VWDE: variants seen among roughly 807,000 people sequenced by gnomAD.
The protein encoded by VWDE is von Willebrand factor D and EGF domain-containing protein.
Under a neutral mutation model 178.4 loss-of-function variants are expected in VWDE, and 207 were observed. The ratio of observed to expected loss-of-function variants is 1.16; its 90% CI spans 1.04 to 1.30. The LOEUF (loss-of-function observed/expected upper bound fraction) is 1.30, where lower values mean the gene tolerates loss of function less well. Among genes scored for constraint, VWDE ranks in the 50% most tolerant of loss-of-function variants. VWDE has a pLI of 0.00. For synonymous variants in VWDE, 738 were observed against 651.4 expected (o/e 1.13, Z -2.02); for missense variants, 2,287 against 1,901.3 (o/e 1.20, Z -3.77).
At chr7:12,392,685 T>A (rs539650518) in intron 2 of VWDE, among the ~76,000 whole-genome samples, 13 of 152,074 alleles carry the variant, frequency 8.5e-5, no homozygotes, top group African/African-American at 2.7e-4. Context: ...TGGAAGAAAA[T>A]GTATTTGTCA....
intron 13 of VWDE, 79 bp downstream of exon 13, chr7:12,367,278 T>C: frequency 8.4e-7 from 1 of 1,184,688 alleles, no homozygotes; most frequent in South Asian, 2.6e-5. Context: ...TGCTAATTGA[T>C]AGACCGAATT....
intron 1 of VWDE, among the ~76,000 whole-genome samples, chr7:12,396,535 G>A (rs908431308): frequency 6.6e-6 from 1 of 152,100 alleles, no homozygotes; most frequent in Non-Finnish European, 1.5e-5. Context: ...CAAATGTAAT[G>A]AGAAATAAAA....
chr7:12,336,210 C>T lies in VWDE; in HGVS notation c.4585G>A (p.Gly1529Ser), dbSNP rs781110033. The T allele has an allele frequency of 5.8e-6, 9 of 1,551,010 alleles. No individual in the cohort carries two copies. The highest frequency in any genetic ancestry group is 2.7e-5 in the African/African-American group (2 of 72,996). Reference protein sequence around the residue: ...TPICLQKCKNGGECIAPSICH... With the variant: ...TPICLQKCKNSGECIAPSICH... ...ATGCTGGGCGCAATGCATTCACCAC[C>T]GTTTTTACATTTCTGCAAGCAGATA... The change falls in exon 27 of 29, where the codon GGT becomes AGT. Residue 1529 changes from glycine (G) to serine (S), a missense_variant. Transcript: ENST00000275358.
In VWDE at chr7:12,370,486, G is replaced by A. The variant is rs963323; in HGVS notation, c.1820C>T (p.Ser607Phe). The change falls in exon 12 of 29, where the codon TCT becomes TTT. Residue 607 changes from serine (S) to phenylalanine (F), a missense_variant. Ser to Phe is a radical substitution (Grantham distance 155). Transcript: ENST00000275358. ...EWRILPGKSMSDTLPVSMTSP... is the reference protein window; with the variant it reads ...EWRILPGKSMFDTLPVSMTSP... ...TGTCATAGAAACTGGCAGTGTGTCA[G>A]ACATGCTTTTTCCTGGTAAAATCCT... 1,285,832 of 1,540,076 alleles carry A rather than the reference G, an allele frequency of 0.83. 538,395 individuals are homozygous for A. The highest frequency in any genetic ancestry group is 0.86 in the Admixed American group (43,913 of 50,896).
chr7:12,368,044 G>A (rs924702544), intron 12 of VWDE, among the ~76,000 whole-genome samples: 3 of 151,710 alleles, frequency 2.0e-5, no homozygotes, highest in Admixed American at 6.6e-5. Flanking sequence ...AGAAAATCAC[G>A]TGTATTCAGA....
At chr7:12,382,530 T>A (rs923956490) in intron 4 of VWDE, among the ~76,000 whole-genome samples, 2 of 151,886 alleles carry the variant, frequency 1.3e-5, no homozygotes, top group African/African-American at 4.8e-5. Context: ...ATTTTGAGGA[T>A]TATTATAAAA....
At chr7:12,368,626 G>T (rs1283877938) in intron 12 of VWDE, among the ~76,000 whole-genome samples, 1 of 152,118 alleles carries the variant, frequency 6.6e-6, no homozygotes, top group Non-Finnish European at 1.5e-5. Flanking sequence ...CTACGCCATG[G>T]TAGGGATTGT....
Position 12,361,247 on chromosome 7 carries a change from G to C in VWDE, c.3059C>G (p.Ser1020Cys). 6.5e-7 allele frequency: 1 copy of C among 1,543,134 alleles called. No homozygotes were observed. The highest frequency in any genetic ancestry group is 1.2e-5 in the South Asian group (1 of 83,166). ...KPTGKWQLKV[S>C]NDGYKFSNPK... ...ATTACTGAATTTATAACCATCATTAGATACCTGTAACATAATAGTTCTATA... is the reference window on the plus strand; with the variant it reads ...ATTACTGAATTTATAACCATCATTACATACCTGTAACATAATAGTTCTATA... Residue 1020 changes from serine (S) to cysteine (C), a missense_variant, in exon 15 of 29, where the codon TCT becomes TGT. Coordinates refer to ENST00000275358, the MANE Select transcript of VWDE (RefSeq NM_001135924.3).
At chr7:12,392,185 A>G (rs1349799333) in intron 2 of VWDE, among the ~76,000 whole-genome samples, 3 of 152,250 alleles carry the variant, frequency 2.0e-5, no homozygotes, top group Admixed American at 6.5e-5. Flanking sequence ...CCACATCTTT[A>G]TAATGAAGTA....
chr7:12,370,710 C>A lies in VWDE; in HGVS notation c.1742G>T (p.Gly581Val). 1 of 1,550,956 alleles carries A rather than the reference C, an allele frequency of 6.4e-7. No individual in the cohort carries two copies. Among genetic ancestry groups the A allele is most frequent in the Non-Finnish European group, 8.7e-7 (1 of 1,146,646 alleles). The change falls in exon 11 of 29, where the codon GGG becomes GTG. Residue 581 changes from glycine to valine, a missense_variant. By Grantham distance (109) the Gly-to-Val change is moderately radical. Transcript: ENST00000275358. ...GTTAAAATTTTGATCAATTTGCATC[C>A]CATTTTTGTCATGGAAATCATTTTC... ...NPENDFHDKN[G>V]MQIDQNFNNY...
intron 18 of VWDE, among the ~76,000 whole-genome samples, chr7:12,353,422 G>GC (rs1411280812): frequency 2.6e-5 from 4 of 151,366 alleles, no homozygotes; most frequent in Non-Finnish European, 2.9e-5. Context: ...ATAAATTTTG[G>GC]GGGGACGCAG....
intron 1 of VWDE, among the ~76,000 whole-genome samples, chr7:12,396,779 T>A (rs1394407063): frequency 1.3e-5 from 2 of 148,318 alleles, no homozygotes; most frequent in Non-Finnish European, 3.0e-5. Flanking sequence ...AATACAAAAA[T>A]ACAAAATCAG....
intron 24 of VWDE, 55 bp from the exon 25 acceptor site, chr7:12,337,327 T>G (rs1488972599): frequency 1.5e-6 from 2 of 1,377,444 alleles, no homozygotes; most frequent in East Asian, 5.0e-5. Flanking sequence ...TTACTACATA[T>G]GATACATTGC....
chr7:12,353,785 T>C (rs1027340464), intron 18 of VWDE: 3 of 152,410 alleles, frequency 2.0e-5, no homozygotes, highest in Non-Finnish European at 2.9e-5. Context: ...AGAGTCTCCA[T>C]GGTTTTTATG....
intron 18 of VWDE, among the ~76,000 whole-genome samples, chr7:12,354,809 A>G (rs1182156593): frequency 6.6e-6 from 1 of 152,212 alleles, no homozygotes; most frequent in Non-Finnish European, 1.5e-5. Flanking sequence ...AACTTTGTTT[A>G]AAAAGTCAGT....
chr7:12,390,795 G>A (rs1321347705), intron 2 of VWDE, among the ~76,000 whole-genome samples: 1 of 151,714 alleles, frequency 6.6e-6, no homozygotes, highest in Non-Finnish European at 1.5e-5. Flanking sequence ...TACTGCTATT[G>A]GAATTAAAAA....
At chr7:12,336,957 A>C in intron 26 of VWDE, 31 bp downstream of exon 26, 1 of 1,515,842 alleles carries the variant, frequency 6.6e-7, no homozygotes, top group South Asian at 1.3e-5. Flanking sequence ...GAAGGACGAA[A>C]GCTTCAGTGT....
At position 12,375,205 on chromosome 7, in the gene VWDE, A is replaced by C. The variant is rs1783457673; in HGVS notation, c.1047T>G (p.Asn349Lys). The change falls in exon 8 of 29, where the codon AAT (asparagine) becomes AAG (lysine). Residue 349 changes from asparagine (N) to lysine (K), a missense_variant. Asn to Lys is a moderately conservative substitution (Grantham distance 94). Transcript: ENST00000275358. ...CCACATGACAGGAAGACAGTGCCAA[A>C]TTTAAGCCTAGGTGCTCTCTACCTA... ...IGQGREHLGL[N>K]LALSSCHVDL... 1.3e-6 allele frequency: 2 copies of C among 1,551,022 alleles called. No homozygotes were observed. Among genetic ancestry groups the C allele is most frequent in the African/African-American group, 2.7e-5 (2 of 73,142 alleles).
At chr7:12,353,337 C>A (rs1442814736) in intron 18 of VWDE, among the ~76,000 whole-genome samples, 2 of 152,170 alleles carry the variant, frequency 1.3e-5, no homozygotes, top group Admixed American at 1.3e-4. Context: ...CAGGGCTCCA[C>A]CCTTATAACC....
Sources: allele counts gnomAD v4.1 joint callset (sites outside exome capture counted in the v4.1 genomes callset), GRCh38; gene constraint gnomAD v4.1.1; transcripts MANE v1.5; gene names NCBI Gene and HGNC (gene_info 2026-07-23, HGNC 2026-07-21).